Variants in DPYD observed in about 807,000 individuals in gnomAD.
DPYD encodes dihydropyrimidine dehydrogenase [NADP(+)].
DPYD carries 109 observed loss-of-function variants against 116.2 expected under a neutral mutation model. The ratio of observed to expected loss-of-function variants is 0.94; its 90% CI spans 0.80 to 1.10. DPYD has a LOEUF of 1.10. DPYD is among the 50% of genes least tolerant of loss of function. The pLI is 0.00. For missense variants in DPYD, 1,302 were observed against 1,254.5 expected, an observed-to-expected ratio of 1.04 and a Z score of -0.57; for synonymous variants, 440 against 432.0, an observed-to-expected ratio of 1.02 and a Z score of -0.23.
chr1:97,447,275 C>A (rs1377656453), intron 14 of DPYD, among the ~76,000 whole-genome samples: 2 of 152,134 alleles, frequency 1.3e-5, no homozygotes, highest in African/African-American at 4.8e-5. Flanking sequence ...GCCATGCACT[C>A]GAGAATGATG....
chr1:97,378,550 C>T (rs1006552695), intron 15 of DPYD, among the ~76,000 whole-genome samples: 2 of 152,160 alleles, frequency 1.3e-5, no homozygotes, highest in African/African-American at 2.4e-5. Flanking sequence ...GGCAATCTCT[C>T]ATCAGGTACC....
chr1:97,739,857 T>C (rs1664166211), intron 4 of DPYD, among the ~76,000 whole-genome samples: 1 of 152,108 alleles, frequency 6.6e-6, no homozygotes. Context: ...CAAAATTCCT[T>C]TTGTTCTACT....
chr1:97,432,255 T>G (rs56064273), intron 14 of DPYD, among the ~76,000 whole-genome samples: 24,254 of 151,992 alleles, frequency 0.16, 2,141 homozygotes, highest in South Asian at 0.29. Context: ...GTAGTTCTAT[T>G]TTTAGCTTTT....
intron 13 of DPYD, among the ~76,000 whole-genome samples, chr1:97,470,495 A>G (rs1486148055): frequency 6.6e-6 from 1 of 152,168 alleles, no homozygotes; most frequent in African/African-American, 2.4e-5. Context: ...TACCCTCTCT[A>G]TGGAAGTAAT....
chr1:97,744,267 C>A (rs1664427342), intron 3 of DPYD, among the ~76,000 whole-genome samples: 1 of 151,882 alleles, frequency 6.6e-6, no homozygotes, highest in Non-Finnish European at 1.5e-5. Flanking sequence ...TAGTATGACA[C>A]CAAAAATATT....
intron 3 of DPYD, among the ~76,000 whole-genome samples, chr1:97,767,834 C>G (rs1240209143): frequency 1.4e-5 from 2 of 143,242 alleles, no homozygotes; most frequent in Non-Finnish European, 3.0e-5. Context: ...TAACTAACAT[C>G]CAAATGTTTT....
intron 20 of DPYD, among the ~76,000 whole-genome samples, chr1:97,124,729 G>A (rs986483439): frequency 5.3e-5 from 8 of 152,068 alleles, no homozygotes; most frequent in African/African-American, 7.2e-5. Context: ...TGCACACCCC[G>A]GATGATCTAT....
At chr1:97,802,219 T>C (rs1269798701) in intron 3 of DPYD, among the ~76,000 whole-genome samples, 1 of 151,872 alleles carries the variant, frequency 6.6e-6, no homozygotes, top group Non-Finnish European at 1.5e-5. Flanking sequence ...TTCTGACAGT[T>C]GGCTCTAGCA....
At chr1:97,693,314 A>C (rs1332994848) in intron 6 of DPYD, among the ~76,000 whole-genome samples, 2 of 126,436 alleles carry the variant, frequency 1.6e-5, no homozygotes, top group African/African-American at 5.7e-5. Flanking sequence ...AAAAAAAAAA[A>C]AAACCAAAAA....
At chr1:97,120,662 A>T (rs969709417) in intron 20 of DPYD, among the ~76,000 whole-genome samples, 1 of 152,206 alleles carries the variant, frequency 6.6e-6, no homozygotes, top group African/African-American at 2.4e-5. Flanking sequence ...AAATGCTCTG[A>T]GTCTCTCCTC....
intron 8 of DPYD, among the ~76,000 whole-genome samples, chr1:97,604,123 C>G (rs1262187984): frequency 6.6e-6 from 1 of 152,112 alleles, no homozygotes; most frequent in East Asian, 1.9e-4. Context: ...AATTTGTTTT[C>G]TACATCTATG....
intron 16 of DPYD, among the ~76,000 whole-genome samples, chr1:97,367,032 G>T (rs1671075582): frequency 6.6e-6 from 1 of 152,054 alleles, no homozygotes; most frequent in African/African-American, 2.4e-5. Flanking sequence ...CAGGGCTGTG[G>T]TCATTGCTCC....
chr1:97,443,067 C>G (rs114871079), intron 14 of DPYD, among the ~76,000 whole-genome samples: 7 of 152,208 alleles, frequency 4.6e-5, no homozygotes, highest in Admixed American at 3.3e-4. Context: ...TCATAAAAAG[C>G]AAGTCAGAGG....
intron 3 of DPYD, among the ~76,000 whole-genome samples, chr1:97,771,251 G>C (rs908683774): frequency 1.3e-5 from 2 of 152,152 alleles, no homozygotes; most frequent in African/African-American, 4.8e-5. Context: ...GACAGAACGA[G>C]ACTTTGTCTC....
At chr1:97,092,555 T>C (rs1649963581) in intron 21 of DPYD, among the ~76,000 whole-genome samples, 1 of 152,110 alleles carries the variant, frequency 6.6e-6, no homozygotes, top group African/African-American at 2.4e-5. Context: ...ACTCCCTACT[T>C]CTTCATAGAG....
intron 19 of DPYD, among the ~76,000 whole-genome samples, chr1:97,220,709 T>C (rs915606593): frequency 6.6e-6 from 1 of 152,224 alleles, no homozygotes; most frequent in South Asian, 2.1e-4. Context: ...CTGTTTATCT[T>C]ACTGTCAATT....
chr1:97,356,530 T>C (rs1170611852), intron 16 of DPYD, among the ~76,000 whole-genome samples: 1 of 152,206 alleles, frequency 6.6e-6, no homozygotes, highest in Non-Finnish European at 1.5e-5. Flanking sequence ...CCTCCGCTGG[T>C]GACACCCAGG....
intron 8 of DPYD, among the ~76,000 whole-genome samples, chr1:97,631,001 C>G (rs1657224588): frequency 6.6e-6 from 1 of 152,042 alleles, no homozygotes. Context: ...CCTCTAATAA[C>G]TTAAATAATT....
At chr1:97,796,444 C>A (rs1667573643) in intron 3 of DPYD, among the ~76,000 whole-genome samples, 1 of 152,108 alleles carries the variant, frequency 6.6e-6, no homozygotes, top group Non-Finnish European at 1.5e-5. Context: ...CCTCTCAATA[C>A]ACTGTTTTAG....
Sources: allele counts gnomAD v4.1 joint callset (sites outside exome capture counted in the v4.1 genomes callset), GRCh38; gene constraint gnomAD v4.1.1; transcripts MANE v1.5; gene names NCBI Gene and HGNC (gene_info 2026-07-23, HGNC 2026-07-21).